Variants in MREG observed in about 807,000 individuals in gnomAD.
MREG encodes melanoregulin, also known as dilute suppressor protein homolog.
Under a neutral mutation model 28.5 loss-of-function variants are expected in MREG, and 31 were observed. That is an observed-to-expected ratio of 1.09 (90% confidence interval 0.82 to 1.47). MREG has a LOEUF of 1.47. Ranked by LOEUF, MREG falls within the 40% of genes most tolerant of loss-of-function variation. The pLI is 0.00. For missense variants in MREG, 256 were observed against 257.4 expected (o/e 0.99, Z 0.04); for synonymous variants, 106 against 95.2 (o/e 1.11, Z -0.66).
chr2:215,958,468 G>A (rs1425053477), intron 2 of MREG, among the ~76,000 whole-genome samples: 3 of 152,082 alleles, frequency 2.0e-5, no homozygotes, highest in Admixed American at 2.0e-4. Context: ...AAGAGAAAAA[G>A]GATTCTGCAA....
intron 1 of MREG, among the ~76,000 whole-genome samples, chr2:216,020,953 C>T (rs1242078623): frequency 1.3e-5 from 2 of 152,226 alleles, no homozygotes; most frequent in Non-Finnish European, 2.9e-5. Context: ...GAAATTATTT[C>T]ACTGAATGTA....
At chr2:215,970,895 A>G (rs751251955) in intron 2 of MREG, among the ~76,000 whole-genome samples, 2 of 152,230 alleles carry the variant, frequency 1.3e-5, no homozygotes, top group Non-Finnish European at 2.9e-5. Flanking sequence ...ATGCCCATCA[A>G]TGATAGACTG....
At chr2:215,945,409 CT>C (rs1446950830) in intron 4 of MREG, among the ~76,000 whole-genome samples, 161 bp downstream of exon 4, 5 of 152,166 alleles carry the variant, frequency 3.3e-5, no homozygotes, top group Non-Finnish European at 5.9e-5. Context: ...TTAGGTGATT[CT>C]GATGCTGCGG....
intron 1 of MREG, among the ~76,000 whole-genome samples, chr2:216,003,996 C>T (rs1379241179): frequency 6.6e-6 from 1 of 152,194 alleles, no homozygotes; most frequent in East Asian, 1.9e-4. Flanking sequence ...AGTGGCTAAC[C>T]CATTTGGCCT....
In MREG at chr2:215,944,871, T is replaced by G. The variant is rs1272627734; in HGVS notation, c.637A>C (p.Ser213Arg). Residue 213 changes from serine (S) to arginine (R), a missense_variant, in exon 5 of 5, where the codon AGT becomes CGT. Transcript: ENST00000263268. Reference sequence around the variant, plus strand: ...GCCCCTGAGCCTCTCCTTTAGGGACTTGGAAACGGAAGGTAGTGCAGTTCT... The same window carrying G: ...GCCCCTGAGCCTCTCCTTTAGGGACGTGGAAACGGAAGGTAGTGCAGTTCT... ...QKELHYLPFP[S>R]P is the part of the protein sequence containing the mutation. The G allele has an allele frequency of 6.3e-7, 1 of 1,591,226 alleles. No individual in the cohort carries two copies. Among genetic ancestry groups the G allele is most frequent in the Non-Finnish European group, 8.6e-7 (1 of 1,161,360 alleles).
At chr2:215,964,058 G>C (rs181759730) in intron 2 of MREG, among the ~76,000 whole-genome samples, 52 of 152,162 alleles carry the variant, frequency 3.4e-4, no homozygotes, top group Admixed American at 7.2e-4. Context: ...AGACTTCCAA[G>C]ACAACAGAAA....
intron 2 of MREG, among the ~76,000 whole-genome samples, chr2:215,952,861 T>A (rs1692524236): frequency 1.3e-5 from 2 of 152,196 alleles, no homozygotes; most frequent in Non-Finnish European, 2.9e-5. Context: ...ACTCCAAGAA[T>A]ACGCTTATAC....
intron 2 of MREG, among the ~76,000 whole-genome samples, chr2:215,986,080 AAAC>A (rs1693562347): frequency 6.6e-6 from 1 of 152,210 alleles, no homozygotes. Flanking sequence ...ATCTTGGACA[AAAC>A]AACAATAATC....
At position 216,003,232 on chromosome 2, in the gene MREG, G is replaced by A. The variant is rs567942874; in HGVS notation, c.96-6767C>T. ...TCCTTCAGCCCCAGAGATGTGACCT[G>A]CCTCAGTGTGAAGGAAGAAAAGCCC... On this transcript the variant is annotated intron_variant, in intron 1 of 4. Coordinates refer to ENST00000263268, the MANE Select transcript of MREG (RefSeq NM_018000.3). Among the ~76,000 whole-genome samples, 7 of 152,160 alleles carry A rather than the reference G, an allele frequency of 4.6e-5. No individual in the cohort carries two copies. In the East Asian group the frequency reaches 1.2e-3, roughly 25 times the overall value.
chr2:215,984,928 T>A (rs986508104), intron 2 of MREG, among the ~76,000 whole-genome samples: 4 of 152,190 alleles, frequency 2.6e-5, no homozygotes, highest in Admixed American at 6.5e-5. Context: ...CATTTTGAAA[T>A]CTATATTGAA....
At chr2:215,994,596 G>A (rs1216053502) in intron 2 of MREG, among the ~76,000 whole-genome samples, 1 of 127,408 alleles carries the variant, frequency 7.8e-6, no homozygotes, top group Admixed American at 9.1e-5. Flanking sequence ...AGGGGAAGAA[G>A]AAGGAGAAGA....
At chr2:215,990,327 T>C (rs969323058) in intron 2 of MREG, among the ~76,000 whole-genome samples, 1 of 152,162 alleles carries the variant, frequency 6.6e-6, no homozygotes, top group Non-Finnish European at 1.5e-5. Flanking sequence ...AATACAACCC[T>C]GTACAGACAA....
rs557228227 is a variant in MREG at position 216,007,237 on chromosome 2, T to A, written c.95+5996A>T. On this transcript the variant is annotated intron_variant, in intron 1 of 4. Coordinates refer to ENST00000263268, the MANE Select transcript of MREG (RefSeq NM_018000.3). Reference sequence around the variant, plus strand: ...AATTTACCTGTAACCCCAAAATCAATACTAGTGATGTTTCCAAGGACATTC... The same window carrying A: ...AATTTACCTGTAACCCCAAAATCAAAACTAGTGATGTTTCCAAGGACATTC... Among the ~76,000 whole-genome samples, 20 of 152,110 alleles carry A rather than the reference T, an allele frequency of 1.3e-4. No homozygotes were observed. The East Asian group carries it at 3.1e-3, about 24-fold the overall frequency.
intron 1 of MREG, among the ~76,000 whole-genome samples, chr2:216,010,354 C>CTTTCT (rs1694266558): frequency 1.1e-5 from 1 of 94,370 alleles, no homozygotes; most frequent in Non-Finnish European, 2.0e-5. Flanking sequence ...AAAGATTTCT[C>CTTTCT]TTTTTTTTTT....
At chr2:216,031,579 GAA>G (rs1694700874) in intron 1 of MREG, among the ~76,000 whole-genome samples, 1 of 137,122 alleles carries the variant, frequency 7.3e-6, no homozygotes, top group African/African-American at 2.6e-5. Flanking sequence ...AGGAAGGAAA[GAA>G]AGAAGGAAAG....
At chr2:215,990,800 G>A (rs768947270) in intron 2 of MREG, among the ~76,000 whole-genome samples, 20 of 152,086 alleles carry the variant, frequency 1.3e-4, no homozygotes, top group Non-Finnish European at 2.5e-4. Flanking sequence ...GACGAAGAAG[G>A]GCATTACATA....
chr2:216,008,665 T>C (rs1464157117), intron 1 of MREG, among the ~76,000 whole-genome samples: 3 of 152,226 alleles, frequency 2.0e-5, no homozygotes, highest in African/African-American at 7.2e-5. Flanking sequence ...TAAAATAAAA[T>C]CTCAGTTTGC....
intron 1 of MREG, among the ~76,000 whole-genome samples, chr2:216,002,420 A>C (rs1694041027): frequency 6.6e-6 from 1 of 152,180 alleles, no homozygotes; most frequent in Non-Finnish European, 1.5e-5. Flanking sequence ...AGGCTCCACG[A>C]AATACAGTGC....
At chr2:215,982,242 AC>A (rs1349156557) in intron 2 of MREG, among the ~76,000 whole-genome samples, 3 of 151,640 alleles carry the variant, frequency 2.0e-5, no homozygotes, top group Admixed American at 1.3e-4. Flanking sequence ...AATCACTTGA[AC>A]CTGGGAAGCA....
Sources: gnomAD v4.1 joint callset for allele counts (sites outside exome capture counted in the v4.1 genomes callset) on GRCh38, gnomAD v4.1.1 for gene constraint, MANE v1.5 for transcripts, NCBI Gene and HGNC (gene_info 2026-07-23, HGNC 2026-07-21) for gene names.